The following CAMTA1 variants were observed in gnomAD, a reference collection of about 807,000 sequenced individuals.
The protein encoded by CAMTA1 is calmodulin binding transcription activator 1.
Under a neutral mutation model 170.9 loss-of-function variants are expected in CAMTA1, and 27 were observed. That is an observed-to-expected ratio of 0.16 (90% confidence interval 0.12 to 0.22). The LOEUF (loss-of-function observed/expected upper bound fraction) is 0.22, where lower values mean the gene tolerates loss of function less well. CAMTA1 is among the 10% of genes least tolerant of loss of function. The probability of loss-of-function intolerance (pLI) is 1.00; values close to 1 mark genes in which losing one functional copy is unlikely to be tolerated. For synonymous variants in CAMTA1, 833 were observed against 891.5 expected (o/e 0.93, Z 1.17); for missense variants, 1,619 against 2,217.2 (o/e 0.73, Z 5.42).
At chr1:6,826,314 C>G (rs1337141529) in intron 3 of CAMTA1, among the ~76,000 whole-genome samples, 1 of 152,142 alleles carries the variant, frequency 6.6e-6, no homozygotes, top group African/African-American at 2.4e-5. Context: ...ATGTTTTGAT[C>G]ATTTTCATAA....
chr1:7,255,143 C>T lies in CAMTA1; in HGVS notation c.438+5517C>T, dbSNP rs966398354. Among the ~76,000 whole-genome samples, 6 of 152,126 alleles carry T rather than the reference C, an allele frequency of 3.9e-5. No individual in the cohort carries two copies. In the South Asian group the frequency reaches 6.2e-4, roughly 16 times the overall value. On this transcript the variant is annotated intron_variant, in intron 5 of 22. Coordinates refer to ENST00000303635, the MANE Select transcript of CAMTA1 (RefSeq NM_015215.4). ...CACATACCTGGGCCTGTCAGGGAGTCGGGGGCTAGGAGAGGGAGAGCATTA... is the reference window on the plus strand; with the variant it reads ...CACATACCTGGGCCTGTCAGGGAGTTGGGGGCTAGGAGAGGGAGAGCATTA...
intron 3 of CAMTA1, among the ~76,000 whole-genome samples, chr1:6,930,869 G>A (rs1265056621): frequency 6.6e-6 from 1 of 152,264 alleles, no homozygotes; most frequent in Non-Finnish European, 1.5e-5. Context: ...GTGGGAAGGA[G>A]CATCTGTTTC....
chr1:6,861,709 A>G (rs371817106), intron 3 of CAMTA1, among the ~76,000 whole-genome samples: 4 of 152,176 alleles, frequency 2.6e-5, no homozygotes, highest in African/African-American at 9.7e-5. Flanking sequence ...GCTTTAAAAA[A>G]TTTTTAATTG....
At chr1:7,460,316 G>A (rs2093052910) in intron 5 of CAMTA1, among the ~76,000 whole-genome samples, 1 of 152,212 alleles carries the variant, frequency 6.6e-6, no homozygotes, top group Non-Finnish European at 1.5e-5. Context: ...TGAATGAAAA[G>A]GGGACACTTC....
chr1:7,160,071 A>G (rs552314286), intron 4 of CAMTA1, among the ~76,000 whole-genome samples: 107 of 152,148 alleles, frequency 7.0e-4, no homozygotes, highest in African/African-American at 2.4e-3. Flanking sequence ...CCAGCATGGC[A>G]AAACCCCATC....
chr1:7,018,059 G>A lies in CAMTA1; in HGVS notation c.235-73245G>A, dbSNP rs575861102. On this transcript the variant is annotated intron_variant, in intron 3 of 22. Coordinates refer to ENST00000303635, the MANE Select transcript of CAMTA1 (RefSeq NM_015215.4). The stretch of plus-strand genomic sequence containing the variant: ...CTCGCTGCAGCCTTGACCTCCAAGG[G>A]CTCAAGCCATCCTCCCGCCTCAGCC... Among the ~76,000 whole-genome samples, 4 of 148,348 alleles carry A rather than the reference G, an allele frequency of 2.7e-5. No homozygotes were observed. In the South Asian group the frequency reaches 8.5e-4, roughly 32 times the overall value.
At chr1:7,651,815 C>T (rs1419016676) in intron 7 of CAMTA1, among the ~76,000 whole-genome samples, 2 of 152,256 alleles carry the variant, frequency 1.3e-5, no homozygotes, top group African/African-American at 2.4e-5. Flanking sequence ...GAAACAGCTG[C>T]GGCCACATGG....
chr1:7,636,732 C>T (rs1044889485), intron 6 of CAMTA1, among the ~76,000 whole-genome samples: 2 of 151,960 alleles, frequency 1.3e-5, no homozygotes, highest in African/African-American at 4.8e-5. Context: ...AGGAAGGCTT[C>T]CCTGCCCTTT....
chr1:7,070,621 G>T (rs77231492), intron 3 of CAMTA1, among the ~76,000 whole-genome samples: 4,571 of 152,192 alleles, frequency 0.03, 235 homozygotes, highest in African/African-American at 0.1. Context: ...TTGAGCCGAC[G>T]ATCCCAGGTT....
chr1:7,451,113 A>T (rs1279523671), intron 5 of CAMTA1, among the ~76,000 whole-genome samples: 1 of 152,238 alleles, frequency 6.6e-6, no homozygotes, highest in Non-Finnish European at 1.5e-5. Context: ...CTCCAGGTCC[A>T]GAGAGCAAAC....
chr1:6,963,934 G>A (rs1443268728), intron 3 of CAMTA1, among the ~76,000 whole-genome samples: 4 of 152,258 alleles, frequency 2.6e-5, no homozygotes, highest in African/African-American at 7.2e-5. Context: ...GGCGCCTGTC[G>A]CAGAAGACCC....
intron 5 of CAMTA1, among the ~76,000 whole-genome samples, chr1:7,390,057 G>C (rs1174647183): frequency 6.6e-6 from 1 of 152,164 alleles, no homozygotes; most frequent in Non-Finnish European, 1.5e-5. Context: ...TTTACCTGCC[G>C]CTTCCCTGCC....
intron 4 of CAMTA1, among the ~76,000 whole-genome samples, chr1:7,096,144 A>G (rs1421096944): frequency 6.6e-6 from 1 of 152,224 alleles, no homozygotes; most frequent in African/African-American, 2.4e-5. Context: ...GTCAATAAGC[A>G]ATAAAACAGC....
intron 6 of CAMTA1, among the ~76,000 whole-genome samples, chr1:7,587,299 C>A (rs1429903518): frequency 6.6e-6 from 1 of 151,960 alleles, no homozygotes; most frequent in Non-Finnish European, 1.5e-5. Flanking sequence ...ACAGATACCC[C>A]CACCCTAGAC....
chr1:7,630,424 G>A (rs1450061340), intron 6 of CAMTA1, among the ~76,000 whole-genome samples: 6 of 152,206 alleles, frequency 3.9e-5, no homozygotes, highest in Non-Finnish European at 7.3e-5. Flanking sequence ...TTGGGCTAAA[G>A]GAGGCAGGGC....
At chr1:7,029,929 A>C (rs532130939) in intron 3 of CAMTA1, among the ~76,000 whole-genome samples, 15 of 152,354 alleles carry the variant, frequency 9.8e-5, no homozygotes, top group African/African-American at 3.6e-4. Context: ...CATTTTTGCA[A>C]ATTTCTTTAA....
At chr1:7,491,928 T>G (rs188464583) in intron 6 of CAMTA1, among the ~76,000 whole-genome samples, 30 of 152,318 alleles carry the variant, frequency 2.0e-4, no homozygotes, top group Admixed American at 1.8e-3. Flanking sequence ...TGCTGCCGAA[T>G]CTGTGTCCAC....
At chr1:7,420,851 G>T (rs2091515866) in intron 5 of CAMTA1, among the ~76,000 whole-genome samples, 1 of 152,210 alleles carries the variant, frequency 6.6e-6, no homozygotes, top group Non-Finnish European at 1.5e-5. Flanking sequence ...GTCCTGAGGG[G>T]CACGTTCCCA....
intron 3 of CAMTA1, among the ~76,000 whole-genome samples, chr1:7,087,231 G>C (rs6662892): frequency 0.73 from 111,139 of 152,194 alleles, 40,845 homozygotes; most frequent in African/African-American, 0.79. Context: ...CCTTCCCCTC[G>C]TCGGCGGGAG....
Sources: allele counts gnomAD v4.1 joint callset (sites outside exome capture counted in the v4.1 genomes callset), GRCh38; gene constraint gnomAD v4.1.1; transcripts MANE v1.5; gene names NCBI Gene and HGNC (gene_info 2026-07-23, HGNC 2026-07-21).